RET: variants seen among roughly 807,000 people sequenced by gnomAD.
RET encodes the protein proto-oncogene tyrosine-protein kinase receptor Ret.
In RET, 19 loss-of-function variants were observed where a neutral mutation model predicts 118.3. The ratio of observed to expected loss-of-function variants is 0.16; its 90% confidence interval spans 0.11 to 0.24. The LOEUF is 0.24. RET is among the 10% of genes least tolerant of loss of function. The probability of loss-of-function intolerance (pLI) is 1.00; values close to 1 mark genes in which losing one functional copy is unlikely to be tolerated. For missense variants in RET, 1,219 were observed against 1,502.1 expected (o/e 0.81, Z 3.12); for synonymous variants, 597 against 644.1 (o/e 0.93, Z 1.11).
chr10:43,087,888 ATGGGGGTGGTGC>A (rs1353085740), intron 1 of RET, among the ~76,000 whole-genome samples: 1 of 152,086 alleles, frequency 6.6e-6, no homozygotes, highest in Non-Finnish European at 1.5e-5. Flanking sequence ...TAGAGGTGAG[ATGGGGGTGGTGC>A]TGGTGATAGT....
At chr10:43,118,337 G>A (rs1201728335) in intron 12 of RET, 36 bp from the exon 13 acceptor site, 4 of 1,548,860 alleles carry the variant, frequency 2.6e-6, no homozygotes, top group Admixed American at 1.7e-5. Flanking sequence ...GCTTCCAGGA[G>A]CGATCGTTTG....
At chr10:43,078,038 G>T (rs1381186650) in intron 1 of RET, among the ~76,000 whole-genome samples, 1 of 152,222 alleles carries the variant, frequency 6.6e-6, no homozygotes, top group Non-Finnish European at 1.5e-5. Context: ...AGGGCTTGGG[G>T]TGGGGCAGGG....
At chr10:43,127,345 C>T in intron 19 of RET, 1 of 1,067,422 alleles carries the variant, frequency 9.4e-7, no homozygotes, top group Non-Finnish European at 1.1e-6. Context: ...CTTTCCCTTA[C>T]CCACCTTCAG....
chr10:43,129,354 G>GA lies in RET; in HGVS notation c.*1090dup, dbSNP rs1180476888. On this transcript the variant is annotated 3_prime_UTR_variant, in exon 20 of 20. Transcript: ENST00000355710. ...ACACCTCTGATTACAATTCTGATGT[G>GA]AAAAAGATGGTGTTTGGCTCTTATA... 8.6e-6 allele frequency: 2 copies of GA among 233,638 alleles called. No homozygotes were observed. Among genetic ancestry groups the GA allele is most frequent in the African/African-American group, 4.4e-5 (2 of 45,350 alleles). 14.5% of individuals were successfully genotyped at this position (233,638 alleles called of 1,614,324 possible). A position where few individuals can be genotyped will look rare whatever the true frequency, so the allele number is the denominator to read the frequency against.
At position 43,119,510 on chromosome 10, in the gene RET, GC is replaced by G. The variant is rs1336911612; in HGVS notation, c.2393-16del. The G allele has an allele frequency of 1.3e-6, 2 of 1,579,790 alleles. No individual in the cohort carries two copies. Among genetic ancestry groups the G allele is most frequent in the Middle Eastern group, 2.2e-4 (1 of 4,476 alleles). On this transcript the variant is annotated intron_variant, in intron 13 of 19. Transcript: ENST00000355710. ...AAGCTGCCTGACCCGCACGCCCAGGGCCCCCTCTCTCCGCCCCCAGGCCCGC... is the reference window on the plus strand; with the variant it reads ...AAGCTGCCTGACCCGCACGCCCAGGGCCCCTCTCTCCGCCCCCAGGCCCGC...
At position 43,114,978 on chromosome 10, in the gene RET, G is replaced by T. The variant is rs1838038210; in HGVS notation, c.2136+242G>T. Among the ~76,000 whole-genome samples the T allele has an allele frequency of 6.6e-6, 1 of 152,186 alleles. No homozygotes were observed. Among genetic ancestry groups the T allele is most frequent in the African/African-American group, 2.4e-5 (1 of 41,458 alleles). On this transcript the variant is annotated intron_variant, in intron 11 of 19. Transcript: ENST00000355710. The surrounding 1 kb of genome is among the most constrained non-coding windows in gnomAD (Gnocchi z 4.6). ...GTGGTCAGGGTCACAGCATCGGGCA[G>T]GGGAGCAGCAGTGTGGATGGAGGGG...
rs1287128584 is a variant in RET at position 43,105,148 on chromosome 10, G to C, written c.822G>C (p.Ala274=). Residue 274 remains alanine (A), a synonymous_variant, in exon 4 of 20, where the codon GCG becomes GCC. Transcript: ENST00000355710. ...ACGACTCGGCGCCCACCTTCCCCGC[G>C]GGCGTCGACACCGCCAGCGCCGTGG... ...DEDDSAPTFP[A]GVDTASAVVE... 1 of 1,612,656 alleles carries C rather than the reference G, an allele frequency of 6.2e-7. No individual in the cohort carries two copies. Among genetic ancestry groups the C allele is most frequent in the Non-Finnish European group, 8.5e-7 (1 of 1,179,886 alleles).
At chr10:43,102,706 C>T in intron 3 of RET, 77 bp downstream of exon 3, 1 of 1,560,970 alleles carries the variant, frequency 6.4e-7, no homozygotes, top group South Asian at 1.1e-5. Flanking sequence ...TGACACAAGC[C>T]ATCTGGTTTA....
At chr10:43,088,900 C>T (rs183553269) in intron 1 of RET, among the ~76,000 whole-genome samples, 42 of 152,344 alleles carry the variant, frequency 2.8e-4, no homozygotes, top group African/African-American at 9.4e-4. Context: ...CTCATCTGAA[C>T]TGCCTCTACC....
intron 1 of RET, among the ~76,000 whole-genome samples, chr10:43,085,871 G>C (rs948025656): frequency 1.3e-5 from 2 of 152,204 alleles, no homozygotes; most frequent in East Asian, 3.9e-4. Context: ...GGGCTGCCTG[G>C]CTGTGACCTG....
intron 1 of RET, among the ~76,000 whole-genome samples, chr10:43,087,438 T>G (rs2132563503): frequency 6.6e-6 from 1 of 152,366 alleles, no homozygotes; most frequent in Non-Finnish European, 1.5e-5. Flanking sequence ...CCTTGGTGTT[T>G]ACTGAGCGCC....
intron 16 of RET, 135 bp downstream of exon 16, chr10:43,122,151 C>G (rs1838232924): frequency 3.9e-6 from 3 of 775,494 alleles, no homozygotes; most frequent in African/African-American, 3.4e-5. Context: ...CAGTGCTAGC[C>G]CTCTGCAATG....
chr10:43,116,131 C>T (rs913810021), intron 11 of RET, among the ~76,000 whole-genome samples: 1 of 152,166 alleles, frequency 6.6e-6, no homozygotes, highest in African/African-American at 2.4e-5. Flanking sequence ...GCAGGGTGAG[C>T]GGGTGCGTGA....
At chr10:43,097,210 A>G (rs1837540023) in intron 1 of RET, among the ~76,000 whole-genome samples, 1 of 152,134 alleles carries the variant, frequency 6.6e-6, no homozygotes, top group African/African-American at 2.4e-5. Flanking sequence ...GGACCACTAA[A>G]GGTGCTTGCA....
intron 19 of RET, chr10:43,127,297 G>A (rs998258065): frequency 7.4e-5 from 79 of 1,071,140 alleles, no homozygotes; most frequent in Non-Finnish European, 1.4e-5. Flanking sequence ...GAGCTGGCTG[G>A]CCCTGGGAGG....
At chr10:43,104,909 C>T (rs1326268115) in intron 3 of RET, 43 bp from the exon 4 acceptor site, 2 of 1,541,286 alleles carry the variant, frequency 1.3e-6, no homozygotes, top group Non-Finnish European at 1.7e-6. Flanking sequence ...TGGCCCGGTC[C>T]CGGCTGGTGA....
chr10:43,121,413 T>A (rs1838214782), intron 15 of RET, among the ~76,000 whole-genome samples: 1 of 152,098 alleles, frequency 6.6e-6, no homozygotes, highest in African/African-American at 2.4e-5. Context: ...ACCCCAGCAC[T>A]GATGAGGGAT....
At chr10:43,115,462 G>A (rs959008791) in intron 11 of RET, among the ~76,000 whole-genome samples, 1 of 152,242 alleles carries the variant, frequency 6.6e-6, no homozygotes, top group African/African-American at 2.4e-5. Flanking sequence ...CGGTAAGGGT[G>A]TGAGCCAAGG....
Position 43,111,238 on chromosome 10 carries a change from C to A in RET, c.1295C>A (p.Ala432Glu), listed in dbSNP as rs552057730. Reference protein sequence around the residue: ...IGKVCVENCQAFSGINVQYKL... With the variant: ...IGKVCVENCQEFSGINVQYKL... Reference sequence around the variant, plus strand: ...AAAGTCTGTGTGGAAAACTGCCAGGCATTCAGTGGCATCAACGTCCAGTAC... The same window carrying A: ...AAAGTCTGTGTGGAAAACTGCCAGGAATTCAGTGGCATCAACGTCCAGTAC... The change falls in exon 7 of 20, where the codon GCA (alanine) becomes GAA (glutamate). Residue 432 changes from alanine (A) to glutamate (E), a missense_variant. This residue lies in a region of RET where 850 missense variants were observed against 969.6 expected (regional missense o/e 0.88). Transcript: ENST00000355710. 3.7e-6 allele frequency: 6 copies of A among 1,613,978 alleles called. No individual in the cohort carries two copies. In the East Asian group the frequency reaches 1.3e-4, roughly 36 times the overall value.
Sources: allele counts gnomAD v4.1 joint callset (sites outside exome capture counted in the v4.1 genomes callset), GRCh38; gene constraint gnomAD v4.1.1; regional missense constraint gnomAD v4.1.1; non-coding constraint Gnocchi (gnomAD v3.1); transcripts MANE v1.5; gene names NCBI Gene and HGNC (gene_info 2026-07-23, HGNC 2026-07-21).